The following APC variants were observed in gnomAD, a reference collection of about 807,000 sequenced individuals.
APC encodes the protein adenomatous polyposis coli protein.
A neutral mutation model predicts 247.0 loss-of-function variants in APC; 72 were observed. The ratio of observed to expected loss-of-function variants is 0.29; its 90% CI spans 0.24 to 0.35. The LOEUF (loss-of-function observed/expected upper bound fraction) is 0.35. Among genes scored for constraint, APC ranks in the 10% least tolerant of loss-of-function variants. The pLI is 1.00. For missense variants in APC, 3,400 were observed against 3,360.7 expected, an observed-to-expected ratio of 1.01 and a Z score of -0.29; for synonymous variants, 1,254 against 1,162.5, an observed-to-expected ratio of 1.08 and a Z score of -1.60.
At chr5:112,828,208 AT>A (rs1001484133) in intron 13 of APC, among the ~76,000 whole-genome samples, 2 of 151,924 alleles carry the variant, frequency 1.3e-5, no homozygotes, top group Non-Finnish European at 2.9e-5. Flanking sequence ...GAATTTTTGT[AT>A]TTTTTATAGA....
intron 4 of APC, among the ~76,000 whole-genome samples, chr5:112,770,978 CTG>C (rs933195827): frequency 3.3e-5 from 5 of 152,090 alleles, no homozygotes; most frequent in African/African-American, 9.7e-5. Flanking sequence ...TTTGTTAAGA[CTG>C]TTAACAGTTA....
chr5:112,712,559 CTTT>C (rs1044831987), intron 1 of APC, among the ~76,000 whole-genome samples: 8 of 140,740 alleles, frequency 5.7e-5, no homozygotes, highest in Admixed American at 7.1e-5. Context: ...ACACCCAGCC[CTTT>C]TTTTTTTTTT....
intron 2 of APC, among the ~76,000 whole-genome samples, chr5:112,758,456 A>G (rs1269264423): frequency 6.6e-6 from 1 of 152,112 alleles, no homozygotes; most frequent in Non-Finnish European, 1.5e-5. Flanking sequence ...CTTCCCAAGT[A>G]GCTGGGACTA....
At chr5:112,784,331 G>A (rs1044430012) in intron 6 of APC, among the ~76,000 whole-genome samples, 1 of 152,158 alleles carries the variant, frequency 6.6e-6, no homozygotes, top group African/African-American at 2.4e-5. Flanking sequence ...ACCTCCCAAA[G>A]TGCTGGGATT....
chr5:112,836,165 T>TTCCC lies in APC; in HGVS notation c.1958+1000_1958+1001insTCCC, dbSNP rs1554083526. 5.6e-3 allele frequency among the ~76,000 whole-genome samples: 136 copies of TTCCC among 24,462 alleles called. 14 individuals are homozygous for TTCCC. The highest frequency in any genetic ancestry group is 0.033 in the East Asian group (9 of 270). The allele number at this position is 24,462 out of a possible 152,430, so 16.0% of individuals were successfully genotyped here. On this transcript the variant is annotated intron_variant, in intron 15 of 15. Transcript: ENST00000257430. ...CCTCCCGAGTAGCTGGGATTACAGG[T>TTCCC]CCCCCCCCCCCCCCGCCACCGTGCC...
chr5:112,740,698 A>G lies in APC; in HGVS notation c.-19+2773A>G, dbSNP rs989911011. On this transcript the variant is annotated intron_variant, in intron 1 of 15. Coordinates refer to ENST00000257430, the MANE Select transcript of APC (RefSeq NM_000038.6). The stretch of plus-strand genomic sequence containing the variant: ...ATACCACCGTGCACAGCTAATTTTT[A>G]TATTTTTTGTAGAGATGGGGTTTCA... 4.6e-5 allele frequency among the ~76,000 whole-genome samples: 7 copies of G among 150,870 alleles called. No individual in the cohort carries two copies. The East Asian group carries it at 9.7e-4, about 21-fold the overall frequency.
At chr5:112,834,133 G>T (rs890185028) in intron 14 of APC, among the ~76,000 whole-genome samples, 2 of 151,194 alleles carry the variant, frequency 1.3e-5, no homozygotes, top group African/African-American at 4.9e-5. Flanking sequence ...GTACAGACGG[G>T]ATTTCACCAT....
intron 4 of APC, among the ~76,000 whole-genome samples, chr5:112,774,239 A>G (rs1190064061): frequency 2.0e-5 from 3 of 152,190 alleles, no homozygotes; most frequent in Non-Finnish European, 4.4e-5. Context: ...AAAAATACCT[A>G]GTATAGATTG....
intron 6 of APC, among the ~76,000 whole-genome samples, 160 bp downstream of exon 6, chr5:112,781,063 A>G (rs1758287442): frequency 1.3e-5 from 2 of 152,186 alleles, no homozygotes; most frequent in Admixed American, 6.5e-5. Context: ...TGAGCAACAT[A>G]ATCAATATTC....
At chr5:112,741,582 A>C (rs1753028150) in intron 1 of APC, among the ~76,000 whole-genome samples, 3 of 152,170 alleles carry the variant, frequency 2.0e-5, no homozygotes, top group Non-Finnish European at 4.4e-5. Flanking sequence ...TCTGTTTTTT[A>C]CAGTTAATGA....
At chr5:112,822,561 G>A (rs1303555239) in intron 11 of APC, among the ~76,000 whole-genome samples, 2 of 152,182 alleles carry the variant, frequency 1.3e-5, no homozygotes, top group Admixed American at 1.3e-4. Context: ...CTTTAGGTAT[G>A]TATTTTCACA....
At chr5:112,807,568 AT>A in intron 8 of APC, among the ~76,000 whole-genome samples, 1 of 151,884 alleles carries the variant, frequency 6.6e-6, no homozygotes, top group African/African-American at 2.4e-5. Flanking sequence ...AAGCTTTTCT[AT>A]TTGAAATTTA....
At chr5:112,757,688 A>G (rs2149749544) in intron 2 of APC, among the ~76,000 whole-genome samples, 3 of 152,310 alleles carry the variant, frequency 2.0e-5, no homozygotes, top group Middle Eastern at 6.8e-3. Context: ...GTCTGTCTGA[A>G]AAACAAAAAC....
At position 112,840,670 on chromosome 5, in the gene APC, A is replaced by G. The variant is rs2149931403; in HGVS notation, c.5076A>G (p.Thr1692=). The stretch of plus-strand genomic sequence containing the variant: ...TTGAAAAACGAGATACCATTCCTAC[A>G]GAAGGCAGAAGTACAGATGAGGCTC... ...GEFEKRDTIP[T]EGRSTDEAQG... is the part of the protein sequence containing the mutation. The change falls in exon 16 of 16, where the codon ACA becomes ACG. Residue 1692 remains threonine (T), a synonymous_variant. Transcript: ENST00000257430. The surrounding 1 kb of genome is among the most constrained non-coding windows in gnomAD (Gnocchi z 4.1). 6.2e-7 allele frequency: 1 copy of G among 1,614,082 alleles called. No homozygotes were observed.
chr5:112,833,980 G>T (rs370717258), intron 14 of APC, among the ~76,000 whole-genome samples: 26 of 151,608 alleles, frequency 1.7e-4, no homozygotes, highest in Non-Finnish European at 2.9e-4. Context: ...TTGAGACAGG[G>T]TCTCACTGTC....
intron 1 of APC, among the ~76,000 whole-genome samples, chr5:112,745,582 G>C (rs2149706294): frequency 7.0e-6 from 1 of 143,002 alleles, no homozygotes; most frequent in East Asian, 2.0e-4. Flanking sequence ...ATTATTTTTT[G>C]AGACGGAGTC....
Position 112,838,852 on chromosome 5 carries a change from C to T in APC, c.3258C>T (p.His1086=), listed in dbSNP as rs778031876. Residue 1086 remains histidine (H), a synonymous_variant, in exon 16 of 16, where the codon CAC becomes CAT. Transcript: ENST00000257430. The part of the protein sequence containing the change: ...PVYTESTDDK[H]LKFQPHFGQQ... ...ATACTGAGAGCACTGATGATAAACA[C>T]CTCAAGTTCCAACCACATTTTGGAC... The T allele has an allele frequency of 1.1e-5, 18 of 1,613,974 alleles. No homozygotes were observed. Among genetic ancestry groups the T allele is most frequent in the Non-Finnish European group, 1.4e-5 (17 of 1,180,016 alleles).
At chr5:112,804,022 A>C (rs1048919784) in intron 8 of APC, among the ~76,000 whole-genome samples, 2 of 151,994 alleles carry the variant, frequency 1.3e-5, no homozygotes, top group East Asian at 1.9e-4. Flanking sequence ...CACTCCCTCA[A>C]CTTCAACTTC....
chr5:112,819,443 A>G (rs1762886570), intron 10 of APC, 99 bp downstream of exon 10: 1 of 1,452,554 alleles, frequency 6.9e-7, no homozygotes, highest in Admixed American at 1.8e-5. Context: ...CTTTATGACT[A>G]AGAGGAGAAA....
Sources: gnomAD v4.1 joint callset for allele counts (sites outside exome capture counted in the v4.1 genomes callset) on GRCh38, gnomAD v4.1.1 for gene constraint, Gnocchi (gnomAD v3.1) non-coding constraint, MANE v1.5 for transcripts, NCBI Gene and HGNC (gene_info 2026-07-23, HGNC 2026-07-21) for gene names.